Variants in ITGB1 observed in about 807,000 individuals in gnomAD.
ITGB1 encodes integrin beta-1.
Under a neutral mutation model 86.5 loss-of-function variants are expected in ITGB1, and 24 were observed. That is an observed-to-expected ratio of 0.28 (90% CI 0.20 to 0.39). The LOEUF is 0.39. Among genes scored for constraint, ITGB1 ranks in the 10% least tolerant of loss-of-function variants. The pLI, the probability that ITGB1 is intolerant of heterozygous loss-of-function variation, is 1.00. For missense variants in ITGB1, 556 were observed against 946.9 expected (o/e 0.59, Z 5.42); for synonymous variants, 323 against 316.8 (o/e 1.02, Z -0.21).
intron 15 of ITGB1, among the ~76,000 whole-genome samples, chr10:32,905,105 C>CA (rs2094892499): frequency 1.3e-5 from 2 of 150,776 alleles, no homozygotes; most frequent in African/African-American, 4.9e-5. Context: ...AAATGACTTT[C>CA]TGTAAAGTAC....
rs201365891 is a variant in ITGB1, at chr10:32,922,211, T to C, written c.1128+46A>G. On this transcript the variant is annotated intron_variant, in intron 9 of 15. Transcript: ENST00000302278. ...TTTACTTTCTTTGTACAAAGTATTC[T>C]CAACAGGGTATTGTCCAAAACTGAT... The C allele has an allele frequency of 3.3e-5, 39 of 1,169,894 alleles. No individual in the cohort carries two copies. In the South Asian group the frequency reaches 4.8e-4, roughly 15 times the overall value. The allele number at this position is 1,169,894 out of a possible 1,614,324, so 72.5% of individuals were successfully genotyped here.
At chr10:32,921,872 T>C (rs1446410563) in intron 9 of ITGB1, among the ~76,000 whole-genome samples, 2 of 152,170 alleles carry the variant, frequency 1.3e-5, no homozygotes, top group East Asian at 1.9e-4. Flanking sequence ...AAAAAAAACT[T>C]TTCTAGCACA....
intron 1 of ITGB1, among the ~76,000 whole-genome samples, chr10:32,954,370 A>C (rs1184379720): frequency 6.6e-6 from 1 of 152,108 alleles, no homozygotes; most frequent in African/African-American, 2.4e-5. Flanking sequence ...ATCAAGTCTT[A>C]TCAGTTCTCC....
intron 15 of ITGB1, among the ~76,000 whole-genome samples, chr10:32,906,809 T>C (rs1198190814): frequency 2.0e-5 from 3 of 152,170 alleles, no homozygotes; most frequent in East Asian, 3.9e-4. Flanking sequence ...GTGGAAGAGG[T>C]GGGATTTGAC....
chr10:32,915,677 C>A lies in ITGB1; in HGVS notation c.1470-3553G>T, dbSNP rs137857781. Among the ~76,000 whole-genome samples the A allele has an allele frequency of 7.6e-3, 1,160 of 152,192 alleles. 7 individuals are homozygous for A. The highest frequency in any genetic ancestry group is 0.02 in the Middle Eastern group (6 of 294). On this transcript the variant is annotated intron_variant, in intron 11 of 15. Transcript: ENST00000302278. ...TCAAATGGAGGCAATAATTAATAGC[C>A]TACCAACCAAAAAAAGTCCAAGACC... is the stretch of plus-strand genomic sequence containing the variant.
At chr10:32,942,897 A>G (rs1268805184) in intron 1 of ITGB1, among the ~76,000 whole-genome samples, 4 of 152,068 alleles carry the variant, frequency 2.6e-5, no homozygotes, top group Non-Finnish European at 5.9e-5. Context: ...GCAACATAGC[A>G]AAACTTGGTG....
At chr10:32,940,360 A>G (rs1034582038) in intron 1 of ITGB1, among the ~76,000 whole-genome samples, 1 of 149,388 alleles carries the variant, frequency 6.7e-6, no homozygotes, top group Non-Finnish European at 1.5e-5. Context: ...AAAAAAAAAA[A>G]TTAACAATAT....
intron 1 of ITGB1, among the ~76,000 whole-genome samples, chr10:32,941,546 TAA>T (rs1191971951): frequency 4.6e-5 from 7 of 152,146 alleles, no homozygotes; most frequent in Admixed American, 4.6e-4. Context: ...CCATCCATGC[TAA>T]AAGAGTTTGG....
At chr10:32,926,257 A>G in intron 5 of ITGB1, 148 bp from the exon 6 acceptor site, 1 of 641,620 alleles carries the variant, frequency 1.6e-6, no homozygotes, top group Non-Finnish European at 2.7e-6. Flanking sequence ...TCCTACATTG[A>G]AAACCTAATT....
At chr10:32,946,832 A>T (rs1250268709) in intron 1 of ITGB1, among the ~76,000 whole-genome samples, 1 of 145,382 alleles carries the variant, frequency 6.9e-6, no homozygotes, top group Non-Finnish European at 1.5e-5. Flanking sequence ...AGGTTTTTTA[A>T]AAGAATTATA....
intron 5 of ITGB1, among the ~76,000 whole-genome samples, chr10:32,926,618 G>C (rs538199288): frequency 6.6e-6 from 1 of 152,284 alleles, no homozygotes; most frequent in South Asian, 2.1e-4. Context: ...GAAGCTTCCT[G>C]AGGCCTCCCC....
rs192804932 is a variant in ITGB1, at chr10:32,914,566, G to A, written c.1470-2442C>T. ...ACCAACAAAGATCAAAAGGGACAAA[G>A]AACGCCATTACATAATGGTAAAGGG... On this transcript the variant is annotated intron_variant, in intron 11 of 15. Coordinates refer to ENST00000302278, the MANE Select transcript of ITGB1 (RefSeq NM_002211.4). 5.4e-3 allele frequency among the ~76,000 whole-genome samples: 825 copies of A among 152,206 alleles called. 14 individuals carry two copies. Among genetic ancestry groups the A allele is most frequent in the African/African-American group, 0.019 (797 of 41,526 alleles).
intron 2 of ITGB1, 72 bp downstream of exon 2, chr10:32,935,420 G>A: frequency 2.2e-6 from 2 of 914,232 alleles, no homozygotes; most frequent in South Asian, 1.4e-5. Flanking sequence ...GTTCTCATAT[G>A]AACCTAACTG....
At position 32,934,282 on chromosome 10, in the gene ITGB1, C is replaced by T. The variant is rs145467640; in HGVS notation, c.67+1210G>A. Among the ~76,000 whole-genome samples the T allele has an allele frequency of 7.1e-3, 1,076 of 152,274 alleles. 13 individuals carry two copies. Among genetic ancestry groups the T allele is most frequent in the African/African-American group, 0.025 (1,027 of 41,552 alleles). ...TACTGAACATGTACATACTTTTCTT[C>T]CTGTCATTATTCCCTAAACAATACA... On this transcript the variant is annotated intron_variant, in intron 2 of 15. Coordinates refer to ENST00000302278, the MANE Select transcript of ITGB1 (RefSeq NM_002211.4).
intron 1 of ITGB1, among the ~76,000 whole-genome samples, chr10:32,938,053 C>A (rs1287074301): frequency 2.0e-5 from 3 of 152,196 alleles, no homozygotes; most frequent in African/African-American, 7.2e-5. Context: ...GGCTGTTATG[C>A]CTGAGCTTGC....
intron 1 of ITGB1, among the ~76,000 whole-genome samples, chr10:32,945,581 A>G (rs2095029600): frequency 2.0e-5 from 3 of 151,696 alleles, no homozygotes. Context: ...CCTGGGCGAC[A>G]GACCGAGACT....
intron 13 of ITGB1, among the ~76,000 whole-genome samples, chr10:32,910,813 T>G (rs1276043054): frequency 2.0e-5 from 3 of 152,152 alleles, no homozygotes; most frequent in African/African-American, 7.2e-5. Flanking sequence ...TGGTGTGACC[T>G]TGGCTCACTG....
chr10:32,937,655 GAGA>G (rs2095007204), intron 1 of ITGB1, among the ~76,000 whole-genome samples: 1 of 151,052 alleles, frequency 6.6e-6, no homozygotes, highest in Admixed American at 6.6e-5. Context: ...AAAAAAAGAT[GAGA>G]AGAATATAAA....
intron 8 of ITGB1, 71 bp from the exon 9 acceptor site, chr10:32,922,417 C>T (rs906418038): frequency 3.5e-5 from 37 of 1,049,632 alleles, no homozygotes; most frequent in Non-Finnish European, 5.1e-5. Context: ...CACTGAGCAA[C>T]TTTTATCTTT....
Sources: gnomAD v4.1 joint callset for allele counts (sites outside exome capture counted in the v4.1 genomes callset) on GRCh38, gnomAD v4.1.1 for gene constraint, MANE v1.5 for transcripts, NCBI Gene and HGNC (gene_info 2026-07-23, HGNC 2026-07-21) for gene names.